Variants in TMEM266 observed in about 807,000 individuals in gnomAD.
TMEM266 encodes the protein Hv1 related protein 1.
Under a neutral mutation model 50.5 loss-of-function variants are expected in TMEM266, and 33 were observed. The observed-to-expected ratio is 0.65, with a 90% CI of 0.50 to 0.87. The LOEUF is 0.87. Among genes scored for constraint, TMEM266 ranks in the 40% least tolerant of loss-of-function variants. The pLI is 0.00. For missense variants in TMEM266, 655 were observed against 695.1 expected (o/e 0.94, Z 0.65); for synonymous variants, 310 against 292.3 (o/e 1.06, Z -0.62).
chr15:76,160,055 T>C lies in TMEM266; in HGVS notation c.383-40T>C, dbSNP rs1211417810. 1 of 1,595,896 alleles carries C rather than the reference T, an allele frequency of 6.3e-7. No individual in the cohort carries two copies. Among genetic ancestry groups the C allele is most frequent in the Non-Finnish European group, 8.6e-7 (1 of 1,163,626 alleles). ...AAGCCCCCATAGCAACGCACCTAAT[T>C]CCTCACTCCTAAAATTGGTCCTTAT... is the stretch of plus-strand genomic sequence containing the variant. On this transcript the variant is annotated intron_variant, in intron 4 of 10. Transcript: ENST00000388942. This position sits in a 1 kb window ranked among gnomAD's most constrained non-coding sequence, Gnocchi z 5.7.
Position 76,110,063 on chromosome 15 carries a change from G to A in TMEM266, c.-96-24105G>A, listed in dbSNP as rs148174264. Among the ~76,000 whole-genome samples, 803 of 151,882 alleles carry A rather than the reference G, an allele frequency of 5.3e-3. 14 individuals carry two copies. Among genetic ancestry groups the A allele is most frequent in the Admixed American group, 0.034 (523 of 15,256 alleles). On this transcript the variant is annotated intron_variant, in intron 1 of 10. Transcript: ENST00000388942. ...CGCCCAGGCTGGAGTGCAATGGCGC[G>A]ATCTCAGCTCACTGCAATCTCTGTC...
chr15:76,202,299 C>T lies in TMEM266; in HGVS notation c.1021+35C>T, dbSNP rs2038761375. 2.5e-6 allele frequency: 4 copies of T among 1,570,190 alleles called. No individual in the cohort carries two copies. The East Asian group carries it at 9.0e-5, about 35-fold the overall frequency. ...GGTTGGGGCTGTTCTACATGTGCCA[C>T]AACCCCAGCAATCCCTAAACCCAGA... On this transcript the variant is annotated intron_variant, in intron 10 of 10. Transcript: ENST00000388942.
At chr15:76,105,707 A>G (rs1567152579) in intron 1 of TMEM266, among the ~76,000 whole-genome samples, 1 of 152,214 alleles carries the variant, frequency 6.6e-6, no homozygotes, top group African/African-American at 2.4e-5. Flanking sequence ...GATGGCAGGA[A>G]TGATGTCTCC....
At chr15:76,201,362 T>A (rs891882240) in intron 9 of TMEM266, among the ~76,000 whole-genome samples, 2 of 152,058 alleles carry the variant, frequency 1.3e-5, no homozygotes, top group Non-Finnish European at 2.9e-5. Context: ...TCCCATTCCC[T>A]CCCTGCTCCT....
intron 1 of TMEM266, among the ~76,000 whole-genome samples, chr15:76,105,049 C>T (rs8038594): frequency 0.3 from 45,529 of 151,860 alleles, 7,765 homozygotes; most frequent in East Asian, 0.55. Context: ...AGTTCAAGAC[C>T]AGCCTGACGA....
At chr15:76,130,075 G>A (rs926001993) in intron 1 of TMEM266, among the ~76,000 whole-genome samples, 1 of 150,978 alleles carries the variant, frequency 6.6e-6, no homozygotes, top group African/African-American at 2.4e-5. Flanking sequence ...AATACAAAAG[G>A]TAGCCGGGTG....
chr15:76,154,561 CT>C (rs2037894914), intron 3 of TMEM266, among the ~76,000 whole-genome samples: 1 of 152,080 alleles, frequency 6.6e-6, no homozygotes. Flanking sequence ...TTCCTCATCT[CT>C]TGCCCCATAC....
In TMEM266 at chr15:76,145,964, ATGAGGCTGTCAG is replaced by A. The variant is rs1480465113; in HGVS notation, c.227+8086_227+8097del. On this transcript the variant is annotated intron_variant, in intron 3 of 10. Transcript: ENST00000388942. Reference sequence around the variant, plus strand: ...TGGTGGAAAAGTGAAGTACAGAAAAATGAGGCTGTCAGTGAGGCTGTCAGTGAGCCAATCATC... The same window carrying A: ...TGGTGGAAAAGTGAAGTACAGAAAAATGAGGCTGTCAGTGAGCCAATCATC... Among the ~76,000 whole-genome samples the A allele has an allele frequency of 4.6e-5, 7 of 152,340 alleles. No homozygotes were observed. In the East Asian group the frequency reaches 7.7e-4, roughly 17 times the overall value.
chr15:76,093,501 G>A (rs2036881880), intron 1 of TMEM266, among the ~76,000 whole-genome samples: 1 of 151,900 alleles, frequency 6.6e-6, no homozygotes, highest in Admixed American at 6.6e-5. Flanking sequence ...GTATTCCATG[G>A]TGTATATGTT....
At chr15:76,112,707 A>C (rs1457146580) in intron 1 of TMEM266, 2 of 152,096 alleles carry the variant, frequency 1.3e-5, no homozygotes, top group Non-Finnish European at 2.9e-5. Context: ...GCCTTGCATT[A>C]TTTTTCTGCC....
intron 1 of TMEM266, among the ~76,000 whole-genome samples, chr15:76,062,567 G>A (rs1376800943): frequency 2.6e-5 from 4 of 152,200 alleles, no homozygotes; most frequent in African/African-American, 9.7e-5. Context: ...GCAAGAAGCA[G>A]AAAGCAAGAG....
intron 1 of TMEM266, among the ~76,000 whole-genome samples, chr15:76,128,257 T>C (rs1313152942): frequency 1.3e-5 from 2 of 152,230 alleles, no homozygotes; most frequent in Non-Finnish European, 2.9e-5. Flanking sequence ...TGAACAGACC[T>C]GGGGTCCTCT....
At chr15:76,187,438 A>T (rs1410674144) in intron 8 of TMEM266, among the ~76,000 whole-genome samples, 2 of 152,202 alleles carry the variant, frequency 1.3e-5, no homozygotes, top group Non-Finnish European at 2.9e-5. Context: ...GGAGGTTCAG[A>T]TCAGCAGGGC....
chr15:76,136,092 C>T (rs568666649), intron 2 of TMEM266, among the ~76,000 whole-genome samples: 4 of 152,228 alleles, frequency 2.6e-5, no homozygotes, highest in East Asian at 1.9e-4. Context: ...TACAGGCATG[C>T]GCCACCACAT....
chr15:76,113,465 A>G (rs1402071454), intron 1 of TMEM266: 1 of 152,402 alleles, frequency 6.6e-6, no homozygotes, highest in Non-Finnish European at 1.5e-5. Context: ...AATGGCTTAA[A>G]AGGCTGGGGC....
intron 1 of TMEM266, among the ~76,000 whole-genome samples, chr15:76,078,264 C>T (rs540489458): frequency 1.2e-4 from 19 of 152,134 alleles, no homozygotes; most frequent in Non-Finnish European, 1.8e-4. Flanking sequence ...TGATTCCATG[C>T]GACTTACAGT....
At chr15:76,143,381 T>G (rs539337980) in intron 3 of TMEM266, among the ~76,000 whole-genome samples, 52 of 152,348 alleles carry the variant, frequency 3.4e-4, no homozygotes, top group South Asian at 2.7e-3. Context: ...CCATGGAAAC[T>G]GTTCTCAAGC....
chr15:76,192,050 C>G lies in TMEM266; in HGVS notation c.851C>G (p.Pro284Arg), dbSNP rs2038583065. The stretch of plus-strand genomic sequence containing the variant: ...GAGCGCGAAGCGGCGCTCCAGGCCC[C>G]GCACGTGCTCAGCCAGCCGCGCAGC... The change falls in exon 9 of 11, where the codon CCG becomes CGG. Residue 284 changes from proline to arginine, a missense_variant. Physicochemically the swap from Pro to Arg is moderately radical, Grantham distance 103. Around this residue, in one of 3 missense-constraint regions of TMEM266, gnomAD observed 455 missense variants for 401.8 expected, o/e 1.13. Transcript: ENST00000388942. 1 of 1,534,904 alleles carries G rather than the reference C, an allele frequency of 6.5e-7. No individual in the cohort carries two copies. The highest frequency in any genetic ancestry group is 2.6e-5 in the East Asian group (1 of 38,314).
At chr15:76,124,232 T>C (rs562568138) in intron 1 of TMEM266, among the ~76,000 whole-genome samples, 1 of 152,272 alleles carries the variant, frequency 6.6e-6, no homozygotes, top group South Asian at 2.1e-4. Context: ...TGGGAGTCGG[T>C]GTGAGGATGT....
Sources: allele counts gnomAD v4.1 joint callset (sites outside exome capture counted in the v4.1 genomes callset), GRCh38; gene constraint gnomAD v4.1.1; regional missense constraint gnomAD v4.1.1; non-coding constraint Gnocchi (gnomAD v3.1); transcripts MANE v1.5; gene names NCBI Gene and HGNC (gene_info 2026-07-23, HGNC 2026-07-21).